Variants in DENND2A observed in about 807,000 individuals in gnomAD.
DENND2A encodes DENN domain-containing protein 2A.
In DENND2A, 53 loss-of-function variants were observed where a neutral mutation model predicts 105.3. The ratio of observed to expected loss-of-function variants is 0.50; its 90% confidence interval spans 0.40 to 0.63. DENND2A has a LOEUF of 0.63. DENND2A is among the 30% of genes least tolerant of loss of function. DENND2A has a pLI of 0.00. For synonymous variants in DENND2A, 522 were observed against 508.4 expected (o/e 1.03, Z -0.36); for missense variants, 1,138 against 1,279.6 (o/e 0.89, Z 1.69).
rs1329414071 is a variant in DENND2A at position 140,555,789 on chromosome 7, G to A, written c.1960-76C>T. ...AGAAAGGAACCCACATGTTTTTTGC[G>A]AGACTATCATGTGCCAGATGTTTCC... On this transcript the variant is annotated intron_variant, in intron 11 of 19. Coordinates refer to ENST00000496613, the MANE Select transcript of DENND2A (RefSeq NM_015689.5). 5 of 1,292,164 alleles carry A rather than the reference G, an allele frequency of 3.9e-6. No individual in the cohort carries two copies. In the Admixed American group the frequency reaches 7.1e-5, roughly 18 times the overall value. The allele number at this position is 1,292,164 out of a possible 1,614,324, so 80.0% of individuals were successfully genotyped here.
At chr7:140,554,808 G>A (rs376041059) in intron 12 of DENND2A, among the ~76,000 whole-genome samples, 3 of 152,042 alleles carry the variant, frequency 2.0e-5, no homozygotes, top group East Asian at 1.9e-4. Context: ...ATTCCTATGC[G>A]TTCATATGTT....
intron 14 of DENND2A, among the ~76,000 whole-genome samples, chr7:140,541,512 C>G (rs1464823976): frequency 2.0e-5 from 3 of 152,198 alleles, no homozygotes. Context: ...CCCCCACATC[C>G]AAGCCTGAGA....
chr7:140,587,327 C>T (rs779730554), intron 4 of DENND2A, among the ~76,000 whole-genome samples: 5 of 152,180 alleles, frequency 3.3e-5, no homozygotes, highest in Non-Finnish European at 7.3e-5. Context: ...CAATGTCCTG[C>T]GGCCAACAGG....
intron 3 of DENND2A, among the ~76,000 whole-genome samples, chr7:140,592,364 G>A (rs1003256894): frequency 3.3e-5 from 5 of 151,662 alleles, no homozygotes; most frequent in Admixed American, 6.6e-5. Context: ...CTGCCACCAT[G>A]CCCAGCTATT....
At chr7:140,608,746 A>T (rs574772025) in intron 1 of DENND2A, among the ~76,000 whole-genome samples, 31 of 152,150 alleles carry the variant, frequency 2.0e-4, no homozygotes, top group Non-Finnish European at 2.9e-4. Context: ...GTGCTCTGTG[A>T]CTTAAATTAC....
chr7:140,523,523 C>T lies in DENND2A; in HGVS notation c.2548-99G>A. 1 of 994,366 alleles carries T rather than the reference C, an allele frequency of 1.0e-6. No homozygotes were observed. 61.6% of individuals were successfully genotyped at this position (994,366 alleles called of 1,614,324 possible). ...CTGCAGGGCAGGCCTGGCTCAGTCT[C>T]CAGTTTCATGGAAGGAATACAACTG... On this transcript the variant is annotated intron_variant, in intron 16 of 19. Coordinates refer to ENST00000496613, the MANE Select transcript of DENND2A (RefSeq NM_015689.5). The surrounding 1 kb of genome is among the most constrained non-coding windows in gnomAD (Gnocchi z 4.5).
intron 15 of DENND2A, 66 bp from the exon 16 acceptor site, chr7:140,525,858 G>A: frequency 1.5e-6 from 2 of 1,377,572 alleles, no homozygotes; most frequent in Non-Finnish European, 2.0e-6. Context: ...TGGACTCATA[G>A]CCTTCTTCCT....
intron 1 of DENND2A, among the ~76,000 whole-genome samples, chr7:140,618,192 A>T (rs1800152990): frequency 6.6e-6 from 1 of 152,254 alleles, no homozygotes; most frequent in African/African-American, 2.4e-5. Flanking sequence ...TCATTAAAGC[A>T]TGAGTTATAA....
intron 14 of DENND2A, among the ~76,000 whole-genome samples, chr7:140,536,230 C>T (rs1796451196): frequency 1.3e-5 from 2 of 152,084 alleles, no homozygotes; most frequent in Admixed American, 1.3e-4. Flanking sequence ...TGGCACATGC[C>T]TATAGTCCCA....
At chr7:140,606,813 C>T (rs1799703690) in intron 1 of DENND2A, among the ~76,000 whole-genome samples, 1 of 152,220 alleles carries the variant, frequency 6.6e-6, no homozygotes, top group Non-Finnish European at 1.5e-5. Context: ...TCAGAAGTAG[C>T]AGTTGAAGAC....
intron 1 of DENND2A, among the ~76,000 whole-genome samples, chr7:140,612,917 C>G (rs1215214796): frequency 6.6e-6 from 1 of 151,724 alleles, no homozygotes; most frequent in Admixed American, 6.6e-5. Context: ...GAGTTCAAGA[C>G]CACCCTTACT....
intron 5 of DENND2A, among the ~76,000 whole-genome samples, chr7:140,581,619 G>C (rs947120112): frequency 1.3e-5 from 2 of 152,178 alleles, no homozygotes; most frequent in Non-Finnish European, 2.9e-5. Flanking sequence ...AAGTGGTGAA[G>C]TCTCCAGCTG....
At chr7:140,593,876 G>A (rs1475760607) in intron 3 of DENND2A, among the ~76,000 whole-genome samples, 1 of 151,946 alleles carries the variant, frequency 6.6e-6, no homozygotes, top group African/African-American at 2.4e-5. Context: ...CTGCTGACAG[G>A]ATGGTCTCTT....
intron 1 of DENND2A, among the ~76,000 whole-genome samples, chr7:140,632,248 G>C (rs1289450293): frequency 1.3e-5 from 2 of 152,196 alleles, no homozygotes; most frequent in African/African-American, 4.8e-5. Flanking sequence ...GAGAGGCAGT[G>C]AAAGTAGAAT....
In DENND2A at chr7:140,559,813, T is replaced by G; in HGVS notation, c.1784A>C (p.Glu595Ala). Residue 595 changes from glutamate (E) to alanine (A), a missense_variant, in exon 10 of 20, where the codon GAA becomes GCA. Glu to Ala is a moderately radical substitution (Grantham distance 107). This residue lies in a region of DENND2A where 627 missense variants were observed against 779.8 expected (regional missense o/e 0.80). Coordinates refer to ENST00000496613, the MANE Select transcript of DENND2A (RefSeq NM_015689.5). The surrounding 1 kb of genome is among the most constrained non-coding windows in gnomAD (Gnocchi z 4.1). ...ELTQQFPLKL[E>A]RSFKFMREAE... ...TTCTCTCATGAACTTGAAAGACCTTTCCAACTGCAGGGAGAAAGGTGAGAG... is the reference window on the plus strand; with the variant it reads ...TTCTCTCATGAACTTGAAAGACCTTGCCAACTGCAGGGAGAAAGGTGAGAG... 1 of 1,611,550 alleles carries G rather than the reference T, an allele frequency of 6.2e-7. No individual in the cohort carries two copies. Among genetic ancestry groups the G allele is most frequent in the Non-Finnish European group, 8.5e-7 (1 of 1,177,674 alleles).
In DENND2A at chr7:140,602,086, C is replaced by T. The variant is rs1201019307; in HGVS notation, c.312G>A (p.Glu104=). ...CTTTATTCCTCTCCTTCTCTGTGCT[C>T]TCTGTTCCTGGCCTCATTCCATTCT... ...EAKNGMRPGT[E]STEKERNKGA... is the part of the protein sequence containing the mutation. The change falls in exon 3 of 20, where the codon GAG becomes GAA. Residue 104 remains glutamate (E), a synonymous_variant. Transcript: ENST00000496613. The T allele has an allele frequency of 3.1e-6, 5 of 1,614,178 alleles. No individual in the cohort carries two copies. The highest frequency in any genetic ancestry group is 3.4e-6 in the Non-Finnish European group (4 of 1,180,034).
At chr7:140,555,615 C>T (rs779096065) in intron 12 of DENND2A, 21 bp downstream of exon 12, 38 of 1,611,000 alleles carry the variant, frequency 2.4e-5, no homozygotes, top group Non-Finnish European at 1.3e-5. Flanking sequence ...CTTCCTCTTT[C>T]TCTGAGGTCC....
At chr7:140,564,632 C>T (rs1262790649) in intron 9 of DENND2A, among the ~76,000 whole-genome samples, 1 of 152,114 alleles carries the variant, frequency 6.6e-6, no homozygotes, top group Non-Finnish European at 1.5e-5. Context: ...ATTTCTGGAT[C>T]AGTTTCCTTT....
chr7:140,588,751 C>T (rs527346219), intron 3 of DENND2A, among the ~76,000 whole-genome samples: 1 of 147,456 alleles, frequency 6.8e-6, no homozygotes, highest in Non-Finnish European at 1.5e-5. Context: ...CTATTCTTAT[C>T]CACTTTTTTT....
Sources: gnomAD v4.1 joint callset for allele counts (sites outside exome capture counted in the v4.1 genomes callset) on GRCh38, gnomAD v4.1.1 for gene constraint, gnomAD v4.1.1 regional missense constraint, Gnocchi (gnomAD v3.1) non-coding constraint, MANE v1.5 for transcripts, NCBI Gene and HGNC (gene_info 2026-07-23, HGNC 2026-07-21) for gene names.